The following RASAL2 variants were observed in gnomAD, a reference collection of about 807,000 sequenced individuals.
RASAL2 encodes ras GTPase-activating protein nGAP.
Under a neutral mutation model 128.9 loss-of-function variants are expected in RASAL2, and 58 were observed. The observed-to-expected ratio is 0.45, with a 90% CI of 0.36 to 0.56. RASAL2 has a LOEUF of 0.56. Ranked by LOEUF, RASAL2 falls within the 20% of genes least tolerant of loss-of-function variation. The probability of loss-of-function intolerance (pLI) is 0.00; values close to 1 mark genes in which losing one functional copy is unlikely to be tolerated. For missense variants in RASAL2, 1,360 were observed against 1,601.6 expected (o/e 0.85, Z 2.57); for synonymous variants, 561 against 580.8 (o/e 0.97, Z 0.49).
chr1:178,372,043 C>A, intron 3 of RASAL2: 1 of 483,612 alleles, frequency 2.1e-6, no homozygotes, highest in Non-Finnish European at 2.7e-6. Flanking sequence ...TTTCTTTCCC[C>A]CTCCCCCTGG....
intron 3 of RASAL2, among the ~76,000 whole-genome samples, chr1:178,318,131 A>T (rs1668574707): frequency 6.6e-6 from 1 of 152,142 alleles, no homozygotes; most frequent in Non-Finnish European, 1.5e-5. Context: ...CCTGAGTTCT[A>T]GTTGGATTGC....
At chr1:178,107,056 C>T (rs1246188812) in intron 1 of RASAL2, among the ~76,000 whole-genome samples, 2 of 152,008 alleles carry the variant, frequency 1.3e-5, no homozygotes, top group African/African-American at 4.8e-5. Context: ...TCCCTACAAT[C>T]TTGAAAAACC....
At chr1:178,161,924 T>A (rs1661314779) in intron 1 of RASAL2, among the ~76,000 whole-genome samples, 1 of 151,886 alleles carries the variant, frequency 6.6e-6, no homozygotes, top group South Asian at 2.1e-4. Flanking sequence ...TAAATTGGGT[T>A]ATTTGTCTTT....
chr1:178,278,446 C>G (rs1462568062), intron 1 of RASAL2, among the ~76,000 whole-genome samples: 1 of 152,130 alleles, frequency 6.6e-6, no homozygotes, highest in African/African-American at 2.4e-5. Flanking sequence ...ACTGAGGCCC[C>G]ACCCTAGCTG....
intron 1 of RASAL2, among the ~76,000 whole-genome samples, chr1:178,283,158 T>C (rs1390834313): frequency 6.6e-6 from 1 of 152,200 alleles, no homozygotes; most frequent in Admixed American, 6.5e-5. Flanking sequence ...CTCAGAGTTC[T>C]GGGTTAACAG....
chr1:178,224,564 G>T (rs1663725130), intron 1 of RASAL2, among the ~76,000 whole-genome samples: 1 of 152,054 alleles, frequency 6.6e-6, no homozygotes, highest in African/African-American at 2.4e-5. Flanking sequence ...TTTGAAAGAT[G>T]TCATCTTCTG....
chr1:178,420,709 G>C (rs1293812640), intron 5 of RASAL2, 89 bp downstream of exon 5: 19 of 919,952 alleles, frequency 2.1e-5, no homozygotes, highest in Non-Finnish European at 2.5e-5. Flanking sequence ...TTGAATCAAT[G>C]ACAAATAGAA....
At chr1:178,137,902 T>C (rs753338343) in intron 1 of RASAL2, among the ~76,000 whole-genome samples, 1 of 152,214 alleles carries the variant, frequency 6.6e-6, no homozygotes, top group Non-Finnish European at 1.5e-5. Flanking sequence ...GTACTGTTTT[T>C]AGTCGCCATT....
chr1:178,307,786 G>C (rs1668061555), intron 3 of RASAL2, among the ~76,000 whole-genome samples: 1 of 152,142 alleles, frequency 6.6e-6, no homozygotes, highest in Non-Finnish European at 1.5e-5. Context: ...TCTTTTTGTT[G>C]TATTTCTTTG....
chr1:178,236,965 T>C (rs1454929940), intron 1 of RASAL2, among the ~76,000 whole-genome samples: 1 of 151,954 alleles, frequency 6.6e-6, no homozygotes, highest in Non-Finnish European at 1.5e-5. Context: ...GGTTTCGCCA[T>C]GTTGGTCAGG....
In RASAL2 at chr1:178,295,243, CA is replaced by C. The variant is rs781677519; in HGVS notation, c.331-4736del. ...CTAAGCGTTGGCATTTTTTTTCTCCCAAAAAAAAAAAAACAAAAAAAAACCA... is the reference window on the plus strand; with the variant it reads ...CTAAGCGTTGGCATTTTTTTTCTCCCAAAAAAAAAAAACAAAAAAAAACCA... On this transcript the variant is annotated intron_variant, in intron 2 of 17. Coordinates refer to ENST00000367649, the MANE Select transcript of RASAL2 (RefSeq NM_170692.4). Among the ~76,000 whole-genome samples, 937 of 115,226 alleles carry C rather than the reference CA, an allele frequency of 8.1e-3. 12 individuals are homozygous for C. Among genetic ancestry groups the C allele is most frequent in the African/African-American group, 0.024 (764 of 31,332 alleles). The allele number at this position is 115,226 out of a possible 152,430, so 75.6% of individuals were successfully genotyped here. A position where few individuals can be genotyped will look rare whatever the true frequency, so the allele number is the denominator to read the frequency against.
At chr1:178,306,978 A>G (rs898229822) in intron 3 of RASAL2, among the ~76,000 whole-genome samples, 1 of 151,660 alleles carries the variant, frequency 6.6e-6, no homozygotes, top group African/African-American at 2.4e-5. Flanking sequence ...ACTAACCTGC[A>G]CAATGTGCAC....
chr1:178,301,870 A>G (rs1348827788), intron 3 of RASAL2, among the ~76,000 whole-genome samples: 3 of 152,224 alleles, frequency 2.0e-5, no homozygotes, highest in Admixed American at 2.0e-4. Flanking sequence ...TATATAGGAA[A>G]TTGTTAAATA....
rs951874633 is a variant in RASAL2 at position 178,456,876 on chromosome 1, A to C, written c.2367A>C (p.Lys789Asn). ...GAAGCCTCTCCTCTGGGCTGCAGAAAATATTTGAAGACCCCACTGACAGGT... is the reference window on the plus strand; with the variant it reads ...GAAGCCTCTCCTCTGGGCTGCAGAACATATTTGAAGACCCCACTGACAGGT... ...VSGSLSSGLQKIFEDPTDSDL... is the reference protein window; with the variant it reads ...VSGSLSSGLQNIFEDPTDSDL... The change falls in exon 13 of 18, where the codon AAA becomes AAC. Residue 789 changes from lysine (K) to asparagine (N), a missense_variant. This residue lies in a region of RASAL2 where 741 missense variants were observed against 868.6 expected (regional missense o/e 0.85). Transcript: ENST00000367649. 1.2e-6 allele frequency: 2 copies of C among 1,614,120 alleles called. No homozygotes were observed. The highest frequency in any genetic ancestry group is 3.3e-5 in the Admixed American group (2 of 60,022).
chr1:178,323,251 T>G (rs908945485), intron 3 of RASAL2, among the ~76,000 whole-genome samples: 2 of 152,234 alleles, frequency 1.3e-5, no homozygotes, highest in Non-Finnish European at 2.9e-5. Flanking sequence ...TTACTCACCT[T>G]GGTATCACCA....
intron 17 of RASAL2, among the ~76,000 whole-genome samples, chr1:178,467,829 A>G (rs977929107): frequency 1.3e-5 from 2 of 152,210 alleles, no homozygotes; most frequent in Non-Finnish European, 2.9e-5. Flanking sequence ...ACTGCCATCA[A>G]CCTTTTGCCC....
chr1:178,168,123 C>G (rs376032226), intron 1 of RASAL2, among the ~76,000 whole-genome samples: 5 of 152,050 alleles, frequency 3.3e-5, no homozygotes, highest in African/African-American at 1.2e-4. Flanking sequence ...TCCTTTAGCA[C>G]CCACCTGCAT....
At chr1:178,467,014 A>G (rs2102950631) in intron 16 of RASAL2, among the ~76,000 whole-genome samples, 1 of 152,314 alleles carries the variant, frequency 6.6e-6, no homozygotes, top group Non-Finnish European at 1.5e-5. Context: ...GTAACTTGAG[A>G]TTAAGAGAGG....
intron 1 of RASAL2, among the ~76,000 whole-genome samples, chr1:178,219,821 A>G (rs1216524776): frequency 6.6e-6 from 1 of 151,938 alleles, no homozygotes; most frequent in East Asian, 1.9e-4. Flanking sequence ...CTTAAATGCC[A>G]TTGTAGGGTG....
Sources: gnomAD v4.1 joint callset for allele counts (sites outside exome capture counted in the v4.1 genomes callset) on GRCh38, gnomAD v4.1.1 for gene constraint, gnomAD v4.1.1 regional missense constraint, MANE v1.5 for transcripts, NCBI Gene and HGNC (gene_info 2026-07-23, HGNC 2026-07-21) for gene names.